GPC3: variants seen among roughly 807,000 people sequenced by gnomAD.
The protein encoded by GPC3 is glypican 3.
GPC3 carries 3 observed loss-of-function variants against 34.4 expected under a neutral mutation model. The ratio of observed to expected loss-of-function variants is 0.09; its 90% CI spans 0.04 to 0.23. The LOEUF (loss-of-function observed/expected upper bound fraction) is 0.23. GPC3 is among the 10% of genes least tolerant of loss of function. The pLI, the probability that GPC3 is intolerant of heterozygous loss-of-function variation, is 1.00. For missense variants in GPC3, 351 were observed against 445.6 expected, an observed-to-expected ratio of 0.79 and a Z score of 1.91; for synonymous variants, 177 against 174.0, an observed-to-expected ratio of 1.02 and a Z score of -0.13.
intron 7 of GPC3, among the ~76,000 whole-genome samples, chrX:133,585,693 C>T (rs2069781706): frequency 9.0e-6 from 1 of 111,385 alleles, no homozygotes; most frequent in African/African-American, 3.3e-5. Flanking sequence ...TCAGGCTTGC[C>T]ACTTTCCTGC....
chrX:133,570,074 G>A (rs937297840), intron 7 of GPC3, among the ~76,000 whole-genome samples: 1 of 110,220 alleles, frequency 9.1e-6, no homozygotes, highest in African/African-American at 3.3e-5. Context: ...AATATTTTTA[G>A]TAGAGACGGG....
intron 2 of GPC3, among the ~76,000 whole-genome samples, chrX:133,801,019 T>C (rs5977914): frequency 0.091 from 10,204 of 111,874 alleles, 1,137 homozygotes; most frequent in African/African-American, 0.31. Flanking sequence ...AGACATCTTC[T>C]TTTACAAGCA....
At chrX:133,703,586 G>A (rs991232131) in intron 3 of GPC3, among the ~76,000 whole-genome samples, 6 of 108,559 alleles carry the variant, frequency 5.5e-5, no homozygotes, top group African/African-American at 1.0e-4. Context: ...TCAGCCTCCC[G>A]AGTAGCTGGG....
chrX:133,953,205 T>C lies in GPC3; in HGVS notation c.182A>G (p.Asp61Gly). The change falls in exon 2 of 8, where the codon GAT (aspartate) becomes GGT (glycine). Residue 61 changes from aspartate (D) to glycine (G), a missense_variant. By Grantham distance (94) the Asp-to-Gly change is moderately conservative. Transcript: ENST00000370818. ...GCCCTTAGGGAGACATACTTGCAAA[T>C]CTGATCCTGAAACAAACAAGGTTTT... is the stretch of plus-strand genomic sequence containing the variant. ...WVPETPVPGS[D>G]LQVCLPKGPT... The C allele has an allele frequency of 8.3e-7, 1 of 1,209,242 alleles. No homozygotes were observed.
intron 2 of GPC3, among the ~76,000 whole-genome samples, chrX:133,761,859 A>G (rs1222704944): frequency 1.8e-5 from 2 of 111,683 alleles, no homozygotes; most frequent in African/African-American, 6.5e-5. Context: ...CCCTCTTCAC[A>G]TTTATTACTA....
intron 2 of GPC3, among the ~76,000 whole-genome samples, chrX:133,781,289 T>C (rs930211727): frequency 9.0e-5 from 10 of 111,593 alleles, no homozygotes; most frequent in Admixed American, 3.8e-4. Flanking sequence ...AAAAATGTAA[T>C]GGGAGTGTTT....
chrX:133,843,123 C>T (rs941761450), intron 2 of GPC3, among the ~76,000 whole-genome samples: 3 of 111,742 alleles, frequency 2.7e-5, no homozygotes, highest in Non-Finnish European at 5.6e-5. Context: ...GGAAACAGGT[C>T]TTCCAGCCCC....
chrX:133,935,944 G>A (rs2076321530), intron 2 of GPC3, among the ~76,000 whole-genome samples: 2 of 109,942 alleles, frequency 1.8e-5, no homozygotes, highest in South Asian at 4.0e-4. Flanking sequence ...ACGGGGTCTC[G>A]CTCTGTCACC....
chrX:133,873,390 A>G (rs1034714561), intron 2 of GPC3, among the ~76,000 whole-genome samples: 1 of 112,140 alleles, frequency 8.9e-6, no homozygotes, highest in Non-Finnish European at 1.9e-5. Flanking sequence ...CAGTCCCAAT[A>G]TATATATTCC....
intron 5 of GPC3, among the ~76,000 whole-genome samples, chrX:133,663,023 G>A (rs1199785794): frequency 6.3e-5 from 7 of 111,536 alleles, no homozygotes; most frequent in Non-Finnish European, 1.1e-4. Context: ...CCATCAATCT[G>A]TCTTTCCAAG....
intron 7 of GPC3, among the ~76,000 whole-genome samples, chrX:133,547,949 C>G (rs1437479768): frequency 1.8e-5 from 2 of 111,292 alleles, no homozygotes; most frequent in Admixed American, 1.9e-4. Context: ...GTGTGAGCCA[C>G]CACTCCCAGG....
chrX:133,789,184 TTAC>T (rs2072137176), intron 2 of GPC3, among the ~76,000 whole-genome samples: 1 of 111,530 alleles, frequency 9.0e-6, no homozygotes, highest in African/African-American at 3.3e-5. Flanking sequence ...GTATTAAATA[TTAC>T]TACTAAGAGG....
At chrX:133,836,011 A>G (rs943500905) in intron 2 of GPC3, among the ~76,000 whole-genome samples, 3 of 113,231 alleles carry the variant, frequency 2.6e-5, no homozygotes, top group Non-Finnish European at 5.6e-5. Flanking sequence ...GTACAGATCC[A>G]GAGCTTTGCC....
intron 5 of GPC3, among the ~76,000 whole-genome samples, chrX:133,678,830 T>G (rs2070910287): frequency 8.9e-6 from 1 of 111,888 alleles, no homozygotes; most frequent in African/African-American, 3.2e-5. Flanking sequence ...ATTAGCCAAT[T>G]TGAGGAGGAT....
intron 2 of GPC3, among the ~76,000 whole-genome samples, chrX:133,919,786 T>C (rs1354363043): frequency 9.4e-6 from 1 of 106,003 alleles, no homozygotes; most frequent in Non-Finnish European, 1.9e-5. Flanking sequence ...TCGACCTCGA[T>C]GTGTGTGTTC....
chrX:133,569,896 GT>G lies in GPC3; in HGVS notation c.1573+26543del, dbSNP rs11396937. On this transcript the variant is annotated intron_variant, in intron 7 of 7. Coordinates refer to ENST00000370818, the MANE Select transcript of GPC3 (RefSeq NM_004484.4). ...ATACATCTATATAGAAAAAGAATGG[GT>G]TTTTTTTTTTTTGAGATGGAGTCTT... Among the ~76,000 whole-genome samples the G allele has an allele frequency of 4.1e-3, 423 of 102,094 alleles. 1 individual carries two copies. Among genetic ancestry groups the G allele is most frequent in the Non-Finnish European group, 5.5e-3 (275 of 49,733 alleles). The allele number at this position is 102,094 out of a possible 115,157, so 88.7% of individuals were successfully genotyped here.
intron 2 of GPC3, among the ~76,000 whole-genome samples, chrX:133,938,807 C>T (rs1374033974): frequency 1.8e-5 from 2 of 111,696 alleles, no homozygotes; most frequent in South Asian, 3.7e-4. Flanking sequence ...GACTTCTGAC[C>T]GCCTTCAAAA....
At chrX:133,962,277 T>G (rs955389434) in intron 1 of GPC3, among the ~76,000 whole-genome samples, 3 of 112,196 alleles carry the variant, frequency 2.7e-5, no homozygotes, top group Non-Finnish European at 5.6e-5. Context: ...CTCTCCATAT[T>G]GCAACAAAGT....
intron 1 of GPC3, among the ~76,000 whole-genome samples, chrX:133,957,834 TTTATTA>T (rs977148096): frequency 1.8e-5 from 2 of 110,909 alleles, no homozygotes; most frequent in Non-Finnish European, 3.8e-5. Flanking sequence ...GAGTTCTCAC[TTTATTA>T]TTATTATTTT....
Sources: allele counts gnomAD v4.1 joint callset (sites outside exome capture counted in the v4.1 genomes callset), GRCh38; gene constraint gnomAD v4.1.1; transcripts MANE v1.5; gene names NCBI Gene and HGNC (gene_info 2026-07-23, HGNC 2026-07-21).